The following PKN3 variants were observed in gnomAD, a reference collection of about 807,000 sequenced individuals.
PKN3 encodes the protein protein kinase N3, also known as serine/threonine-protein kinase N3.
In PKN3, 91 loss-of-function variants were observed where a neutral mutation model predicts 113.1. The observed-to-expected ratio is 0.80, with a 90% CI of 0.68 to 0.96. The LOEUF (loss-of-function observed/expected upper bound fraction) is 0.96, where lower values mean the gene tolerates loss of function less well. Among genes scored for constraint, PKN3 ranks in the 40% least tolerant of loss-of-function variants. The pLI is 0.00. For synonymous variants in PKN3, 467 were observed against 499.0 expected (o/e 0.94, Z 0.85); for missense variants, 1,052 against 1,202.2 (o/e 0.88, Z 1.85).
At chr9:128,719,392 T>A (rs1190207275) in intron 18 of PKN3, among the ~76,000 whole-genome samples, 2 of 151,906 alleles carry the variant, frequency 1.3e-5, no homozygotes, top group Non-Finnish European at 2.9e-5. Flanking sequence ...GGTTTCACCA[T>A]GTTGGCCAGG....
In PKN3 at chr9:128,715,509, G is replaced by C; in HGVS notation, c.1808+49G>C. 1 of 1,409,132 alleles carries C rather than the reference G, an allele frequency of 7.1e-7. No individual in the cohort carries two copies. Among genetic ancestry groups the C allele is most frequent in the Non-Finnish European group, 1.0e-6 (1 of 996,400 alleles). 87.3% of individuals were successfully genotyped at this position (1,409,132 alleles called of 1,614,324 possible). A position where few individuals can be genotyped will look rare whatever the true frequency, so the allele number is the denominator to read the frequency against. On this transcript the variant is annotated intron_variant, in intron 15 of 21. Transcript: ENST00000291906. The surrounding 1 kb of genome is among the most constrained non-coding windows in gnomAD (Gnocchi z 4.1). ...CCCAGGATGGCTGGCCTGGGCTGTGGCATCCAGAGGGCAGTTGAAGGTTCC... is the reference window on the plus strand; with the variant it reads ...CCCAGGATGGCTGGCCTGGGCTGTGCCATCCAGAGGGCAGTTGAAGGTTCC...
At position 128,717,068 on chromosome 9, in the gene PKN3, C is replaced by G. The variant is rs1862360681; in HGVS notation, c.1985+145C>G. 4 of 467,852 alleles carry G rather than the reference C, an allele frequency of 8.5e-6. No homozygotes were observed. The East Asian group carries it at 1.6e-4, about 18-fold the overall frequency. 29.0% of individuals were successfully genotyped at this position (467,852 alleles called of 1,614,324 possible). On this transcript the variant is annotated intron_variant, in intron 16 of 21. Transcript: ENST00000291906. ...TGGTTTACATCCTGGCACCAACTGA[C>G]AGCATTTGTGATCCTGGGTATCAGC...
Position 128,719,954 on chromosome 9 carries a change from C to T in PKN3, c.2313C>T (p.Ile771=), listed in dbSNP as rs367711893. 12 of 1,613,990 alleles carry T rather than the reference C, an allele frequency of 7.4e-6. No homozygotes were observed. The highest frequency in any genetic ancestry group is 1.3e-5 in the African/African-American group (1 of 74,920). Residue 771 remains isoleucine (I), a synonymous_variant, in exon 20 of 22, where the codon ATC becomes ATT. Coordinates refer to ENST00000291906, the MANE Select transcript of PKN3 (RefSeq NM_013355.5). The part of the protein sequence containing the change: ...GDTEEEVFDC[I]VNMDAPYPGF... ...CAGAGGAAGAGGTGTTTGACTGCAT[C>T]GTCAACATGGACGCCCCCTACCCCG...
In PKN3 at chr9:128,713,110, C is replaced by G. The variant is rs1465792917; in HGVS notation, c.894C>G (p.Arg298=). ...CEQLLTAVPG[R]SPAAALASSP... ...AGTTGCTGACAGCCGTGCCTGGGCG[C>G]TCCCCAGCGGCCGCACTGGCCAGCA... The change falls in exon 7 of 22, where the codon CGC becomes CGG. Residue 298 remains arginine (R), a synonymous_variant. Transcript: ENST00000291906. 6.2e-7 allele frequency: 1 copy of G among 1,612,054 alleles called. No homozygotes were observed. Among genetic ancestry groups the G allele is most frequent in the African/African-American group, 1.3e-5 (1 of 74,938 alleles).
rs749493190 is a variant in PKN3 at position 128,715,244 on chromosome 9, C to T, written c.1716+9C>T. ...GGGGACACTTTGGGAAGGTAGTGGG[C>T]TGAAGAGGGTGGTATGGGACGGGAT... On this transcript the variant is annotated intron_variant, in intron 14 of 21. Coordinates refer to ENST00000291906, the MANE Select transcript of PKN3 (RefSeq NM_013355.5). The surrounding 1 kb of genome is among the most constrained non-coding windows in gnomAD (Gnocchi z 4.1). 1.2e-6 allele frequency: 2 copies of T among 1,613,856 alleles called. No homozygotes were observed. The highest frequency in any genetic ancestry group is 1.7e-6 in the Non-Finnish European group (2 of 1,179,844).
chr9:128,702,928 G>A lies in PKN3; in HGVS notation c.13G>A (p.Ala5Thr), dbSNP rs908755167. ...CCGGAGCGGCGCCATGGAGGAGGGG[G>A]CGCCGCGGCAGGTGAACGGCGTGGG... MEEG[A>T]PRQPGPSQWP... The change falls in exon 1 of 22, where the codon GCG becomes ACG. Residue 5 changes from alanine to threonine, a missense_variant. By Grantham distance (58) the Ala-to-Thr change is moderately conservative (BLOSUM62 0). Transcript: ENST00000291906. 2 of 1,463,522 alleles carry A rather than the reference G, an allele frequency of 1.4e-6. No individual in the cohort carries two copies. Among genetic ancestry groups the A allele is most frequent in the African/African-American group, 1.5e-5 (1 of 67,004 alleles). The allele number at this position is 1,463,522 out of a possible 1,614,324, so 90.7% of individuals were successfully genotyped here.
At chr9:128,717,057 G>A in intron 16 of PKN3, 134 bp downstream of exon 16, 1 of 563,104 alleles carries the variant, frequency 1.8e-6, no homozygotes, top group Non-Finnish European at 3.1e-6. Flanking sequence ...TTACATCCTG[G>A]CACCAACTGA....
intron 6 of PKN3, among the ~76,000 whole-genome samples, chr9:128,708,922 C>T (rs1176602482): frequency 6.6e-6 from 1 of 151,650 alleles, no homozygotes; most frequent in Non-Finnish European, 1.5e-5. Context: ...GAGGGTGAGG[C>T]ATGTGGATCA....
At chr9:128,709,013 C>T (rs1161237144) in intron 6 of PKN3, among the ~76,000 whole-genome samples, 1 of 151,602 alleles carries the variant, frequency 6.6e-6, no homozygotes, top group Non-Finnish European at 1.5e-5. Context: ...TCGCCGGGCG[C>T]GGTGGCTCAC....
Position 128,717,117 on chromosome 9 carries a change from C to CTTTTTTTTTTTTTT in PKN3, c.1985+207_1985+220dup, listed in dbSNP as rs34182369. On this transcript the variant is annotated intron_variant, in intron 16 of 21. Coordinates refer to ENST00000291906, the MANE Select transcript of PKN3 (RefSeq NM_013355.5). The stretch of plus-strand genomic sequence containing the variant: ...GCTTATGAAGCTGTGCATTAGGTTT[C>CTTTTTTTTTTTTTT]TTTTTTTTTTTTTTTTTTTTTTTTT... Among the ~76,000 whole-genome samples the CTTTTTTTTTTTTTT allele has an allele frequency of 9.4e-3, 230 of 24,376 alleles. 94 individuals carry two copies. Among genetic ancestry groups the CTTTTTTTTTTTTTT allele is most frequent in the Non-Finnish European group, 0.014 (169 of 12,360 alleles). The allele number at this position is 24,376 out of a possible 152,430, so 16.0% of individuals were successfully genotyped here. A position where few individuals can be genotyped will look rare whatever the true frequency, so the allele number is the denominator to read the frequency against.
chr9:128,703,545 A>AG (rs1410068356), intron 1 of PKN3: 31 of 985,302 alleles, frequency 3.1e-5, no homozygotes, highest in Non-Finnish European at 3.6e-5. Flanking sequence ...GTGGGCCCGG[A>AG]GGACCGAGGC....
chr9:128,716,949 T>C, intron 16 of PKN3, 26 bp downstream of exon 16: 1 of 1,606,296 alleles, frequency 6.2e-7, no homozygotes, highest in South Asian at 1.1e-5. Context: ...CCTGCCTGCC[T>C]CTTCCAGCAA....
At chr9:128,703,253 G>A (rs892223252) in intron 1 of PKN3, 1 of 526,464 alleles carries the variant, frequency 1.9e-6, no homozygotes, top group African/African-American at 2.1e-5. Flanking sequence ...GTGTCCTTAA[G>A]TCGGTTCTCC....
In PKN3 at chr9:128,706,789, TCAG is replaced by T; in HGVS notation, c.493_495del (p.Ser165del). ...AAGGTGGCCCTGCTGCGGATGAAGA[TCAG>T]CAGCCTGGAGGCCAGTGGGTCCCCG... On this transcript the variant is annotated inframe_deletion, in exon 4 of 22. Transcript: ENST00000291906. 1 of 1,610,786 alleles carries T rather than the reference TCAG, an allele frequency of 6.2e-7. No homozygotes were observed. The highest frequency in any genetic ancestry group is 8.5e-7 in the Non-Finnish European group (1 of 1,178,126).
chr9:128,714,617 C>A lies in PKN3; in HGVS notation c.1537C>A (p.Pro513Thr). The A allele has an allele frequency of 2.1e-6, 3 of 1,445,346 alleles. No individual in the cohort carries two copies. The highest frequency in any genetic ancestry group is 2.9e-6 in the Non-Finnish European group (3 of 1,026,316). The allele number at this position is 1,445,346 out of a possible 1,614,324, so 89.5% of individuals were successfully genotyped here. The change falls in exon 12 of 22, where the codon CCC becomes ACC. Residue 513 changes from proline to threonine, a missense_variant. Coordinates refer to ENST00000291906, the MANE Select transcript of PKN3 (RefSeq NM_013355.5). ...TGAAGAGATGACACCCCCACCCAAG[C>A]CCCCACGCCTCTACCTCCCCCAGGA... ...LGEEMTPPPK[P>T]PRLYLPQEPT...
In PKN3 at chr9:128,705,465, C is replaced by G. The variant is rs200996917; in HGVS notation, c.187C>G (p.Arg63Gly). 2 of 1,571,170 alleles carry G rather than the reference C, an allele frequency of 1.3e-6. No homozygotes were observed. Among genetic ancestry groups the G allele is most frequent in the Non-Finnish European group, 1.7e-6 (2 of 1,159,078 alleles). The part of the protein sequence containing the change: ...VQQLLRSSNR[R>G]LEQLHGELRE... ...GCAGCTGCTGCGGTCCTCCAACCGC[C>G]GCCTGGAGCAGCTGCATGGCGAGCT... Residue 63 changes from arginine to glycine, a missense_variant, in exon 2 of 22, where the codon CGC becomes GGC. Arg to Gly is a moderately radical substitution (Grantham distance 125, BLOSUM62 -2). Around this residue, in one of 2 missense-constraint regions of PKN3, gnomAD observed 719 missense variants for 759.4 expected, o/e 0.95. Coordinates refer to ENST00000291906, the MANE Select transcript of PKN3 (RefSeq NM_013355.5).
At chr9:128,709,112 T>C (rs945237551) in intron 6 of PKN3, among the ~76,000 whole-genome samples, 382 of 150,974 alleles carry the variant, frequency 2.5e-3, no homozygotes, top group African/African-American at 9.0e-3. Context: ...GGTGAAACCC[T>C]GTCTCCACTA....
At chr9:128,709,091 C>A (rs989243442) in intron 6 of PKN3, among the ~76,000 whole-genome samples, 1 of 151,436 alleles carries the variant, frequency 6.6e-6, no homozygotes, top group Non-Finnish European at 1.5e-5. Context: ...CGAGACCATC[C>A]TGGCTAACAC....
Position 128,720,165 on chromosome 9 carries a change from G to A in PKN3, c.2377-38G>A. 1.3e-6 allele frequency: 2 copies of A among 1,597,534 alleles called. No homozygotes were observed. The highest frequency in any genetic ancestry group is 2.2e-5 in the South Asian group (2 of 90,358). ...CCTGTGGATGATGGCAGTGCCTGGG[G>A]CTGAATGCCCTAAGTGAGCGCCTGT... On this transcript the variant is annotated intron_variant, in intron 20 of 21. Transcript: ENST00000291906. This position sits in a 1 kb window ranked among gnomAD's most constrained non-coding sequence, Gnocchi z 5.5.
Sources: gnomAD v4.1 joint callset for allele counts (sites outside exome capture counted in the v4.1 genomes callset) on GRCh38, gnomAD v4.1.1 for gene constraint, gnomAD v4.1.1 regional missense constraint, Gnocchi (gnomAD v3.1) non-coding constraint, MANE v1.5 for transcripts, NCBI Gene and HGNC (gene_info 2026-07-23, HGNC 2026-07-21) for gene names.